OTUD7A: variants seen among roughly 807,000 people sequenced by gnomAD.
The protein encoded by OTUD7A is OTU domain-containing protein 7A.
In OTUD7A, 12 loss-of-function variants were observed where a neutral mutation model predicts 65.7. The ratio of observed to expected loss-of-function variants is 0.18; its 90% confidence interval spans 0.12 to 0.30. The LOEUF (loss-of-function observed/expected upper bound fraction) is 0.30, where lower values mean the gene tolerates loss of function less well. OTUD7A is among the 10% of genes least tolerant of loss of function. OTUD7A has a pLI of 1.00. For synonymous variants in OTUD7A, 641 were observed against 586.3 expected, an observed-to-expected ratio of 1.09 and a Z score of -1.35; for missense variants, 1,148 against 1,304.8, an observed-to-expected ratio of 0.88 and a Z score of 1.85.
At chr15:31,663,616 T>C (rs1212381924) in intron 1 of OTUD7A, among the ~76,000 whole-genome samples, 1 of 152,118 alleles carries the variant, frequency 6.6e-6, no homozygotes, top group Non-Finnish European at 1.5e-5. Flanking sequence ...ACATGATCTG[T>C]TTCCTTTTTA....
At chr15:31,796,495 T>A (rs1287508704) in intron 1 of OTUD7A, among the ~76,000 whole-genome samples, 1 of 152,222 alleles carries the variant, frequency 6.6e-6, no homozygotes. Context: ...TTATTCAGTC[T>A]TCTGATTCAA....
At chr15:31,554,518 T>A (rs138789249) in intron 5 of OTUD7A, among the ~76,000 whole-genome samples, 3 of 152,316 alleles carry the variant, frequency 2.0e-5, no homozygotes, top group Admixed American at 2.0e-4. Flanking sequence ...GCCTCCTCTG[T>A]AACTTACCAT....
chr15:31,635,567 G>A (rs1481738498), intron 3 of OTUD7A, among the ~76,000 whole-genome samples: 9 of 152,114 alleles, frequency 5.9e-5, no homozygotes, highest in Non-Finnish European at 1.0e-4. Context: ...TTCCAGGGAG[G>A]GTGTATGAAG....
Position 31,597,102 on chromosome 15 carries a change from T to A in OTUD7A, c.152-26905A>T, listed in dbSNP as rs544733238. On this transcript the variant is annotated intron_variant, in intron 3 of 12. Coordinates refer to ENST00000307050, the MANE Select transcript of OTUD7A (RefSeq NM_001382637.1). Reference sequence around the variant, plus strand: ...ATCATACCTGGCTAGTTTTTTTTCTTTTTTTTGTAGAGACAGAGTTTTGCC... The same window carrying A: ...ATCATACCTGGCTAGTTTTTTTTCTATTTTTTGTAGAGACAGAGTTTTGCC... Among the ~76,000 whole-genome samples the A allele has an allele frequency of 1.9e-3, 288 of 151,920 alleles. 1 individual carries two copies. The highest frequency in any genetic ancestry group is 6.5e-3 in the African/African-American group (269 of 41,378).
At chr15:31,500,571 C>G (rs1242500931) in intron 10 of OTUD7A, among the ~76,000 whole-genome samples, 1 of 152,256 alleles carries the variant, frequency 6.6e-6, no homozygotes, top group South Asian at 2.1e-4. Context: ...CTGGTGCCGC[C>G]TCTGGCGGAG....
chr15:31,518,841 T>G (rs1239094290), intron 8 of OTUD7A, among the ~76,000 whole-genome samples: 1 of 152,366 alleles, frequency 6.6e-6, no homozygotes, highest in African/African-American at 2.4e-5. Flanking sequence ...GGTCAAGGAC[T>G]GTGCCTGCCC....
At chr15:31,690,631 T>C (rs575365468) in intron 1 of OTUD7A, among the ~76,000 whole-genome samples, 13 of 152,358 alleles carry the variant, frequency 8.5e-5, no homozygotes, top group African/African-American at 3.1e-4. Context: ...GTGCCACACA[T>C]GGCCTCGCAT....
intron 10 of OTUD7A, among the ~76,000 whole-genome samples, chr15:31,496,225 A>ATTT (rs34267794): frequency 2.1e-5 from 3 of 145,756 alleles, no homozygotes; most frequent in African/African-American, 7.6e-5. Context: ...TTGATAAATG[A>ATTT]TTTTTTTTTT....
chr15:31,847,738 T>C (rs887698722), intron 1 of OTUD7A, among the ~76,000 whole-genome samples: 4 of 152,142 alleles, frequency 2.6e-5, no homozygotes, highest in African/African-American at 7.2e-5. Flanking sequence ...GGGTAACTTA[T>C]GAAGAAAAGA....
At chr15:31,596,392 G>T (rs1181048291) in intron 3 of OTUD7A, among the ~76,000 whole-genome samples, 1 of 152,166 alleles carries the variant, frequency 6.6e-6, no homozygotes, top group African/African-American at 2.4e-5. Context: ...ACTCGCTGAG[G>T]GATATGTGCG....
At chr15:31,656,641 CT>C (rs1566963060) in intron 2 of OTUD7A, among the ~76,000 whole-genome samples, 7 of 99,992 alleles carry the variant, frequency 7.0e-5, no homozygotes, top group Non-Finnish European at 1.4e-4. Context: ...TGACTGTCCT[CT>C]GTTCTTTCTT....
chr15:31,566,085 G>A (rs1888861985), intron 4 of OTUD7A, among the ~76,000 whole-genome samples: 1 of 151,910 alleles, frequency 6.6e-6, no homozygotes. Flanking sequence ...CAGTTACTCG[G>A]GAGGCTGAAG....
At chr15:31,515,933 T>C (rs976620288) in intron 8 of OTUD7A, among the ~76,000 whole-genome samples, 7 of 143,662 alleles carry the variant, frequency 4.9e-5, no homozygotes, top group African/African-American at 1.8e-4. Context: ...TGTACCTCTA[T>C]CCATCCATCC....
At chr15:31,853,621 G>A (rs1897486353) in intron 1 of OTUD7A, among the ~76,000 whole-genome samples, 1 of 151,758 alleles carries the variant, frequency 6.6e-6, no homozygotes, top group Admixed American at 6.5e-5. Context: ...GCCTCAGCCT[G>A]TGGACTCGGC....
intron 1 of OTUD7A, among the ~76,000 whole-genome samples, chr15:31,853,719 G>A (rs901766344): frequency 1.3e-5 from 2 of 152,194 alleles, no homozygotes; most frequent in Admixed American, 1.3e-4. Flanking sequence ...TGAAATCTAG[G>A]GAACACAGCC....
intron 1 of OTUD7A, among the ~76,000 whole-genome samples, chr15:31,834,974 T>C (rs1481034074): frequency 6.6e-6 from 1 of 152,210 alleles, no homozygotes; most frequent in Admixed American, 6.5e-5. Context: ...CAAACTATTA[T>C]GGGGAGGGGT....
intron 1 of OTUD7A, among the ~76,000 whole-genome samples, chr15:31,677,274 T>A (rs1892614728): frequency 6.6e-6 from 1 of 152,166 alleles, no homozygotes; most frequent in Non-Finnish European, 1.5e-5. Context: ...GTGGTCTCTA[T>A]CAGGCTGGCA....
At chr15:31,709,840 T>C (rs1420413977) in intron 1 of OTUD7A, among the ~76,000 whole-genome samples, 2 of 152,166 alleles carry the variant, frequency 1.3e-5, no homozygotes, top group Non-Finnish European at 2.9e-5. Flanking sequence ...ACATACATTA[T>C]ACACACACAC....
In OTUD7A at chr15:31,484,248, G is replaced by T; in HGVS notation, c.1848C>A (p.Gly616=). 6.3e-7 allele frequency: 1 copy of T among 1,597,124 alleles called. No homozygotes were observed. Reference sequence around the variant, plus strand: ...CATCCGTGCTGTACTTCCAGGCGTCGCCCCGCGGCCCACCGCCCTTCTCCG... The same window carrying T: ...CATCCGTGCTGTACTTCCAGGCGTCTCCCCGCGGCCCACCGCCCTTCTCCG... ...SPAEKGGGPR[G]DAWKYSTDVK... is the part of the protein sequence containing the mutation. The change falls in exon 13 of 13, where the codon GGC becomes GGA. Residue 616 remains glycine (G), a synonymous_variant. Transcript: ENST00000307050. The surrounding 1 kb of genome is among the most constrained non-coding windows in gnomAD (Gnocchi z 4.5).
Sources: gnomAD v4.1 joint callset for allele counts (sites outside exome capture counted in the v4.1 genomes callset) on GRCh38, gnomAD v4.1.1 for gene constraint, Gnocchi (gnomAD v3.1) non-coding constraint, MANE v1.5 for transcripts, NCBI Gene and HGNC (gene_info 2026-07-23, HGNC 2026-07-21) for gene names.